The following VRK2 variants were observed in gnomAD, a reference collection of about 807,000 sequenced individuals.
VRK2 encodes the protein VRK serine/threonine kinase 2.
Under a neutral mutation model 57.6 loss-of-function variants are expected in VRK2, and 60 were observed. The ratio of observed to expected loss-of-function variants is 1.04; its 90% confidence interval spans 0.85 to 1.29. The LOEUF (loss-of-function observed/expected upper bound fraction) is 1.29, where lower values mean the gene tolerates loss of function less well. VRK2 is among the 50% of genes most tolerant of loss of function. The pLI, the probability that VRK2 is intolerant of heterozygous loss-of-function variation, is 0.00. For synonymous variants in VRK2, 231 were observed against 199.2 expected (o/e 1.16, Z -1.35); for missense variants, 705 against 588.1 (o/e 1.20, Z -2.06).
chr2:57,940,367 T>C (rs1671054330), intron 1 of VRK2, among the ~76,000 whole-genome samples: 1 of 152,132 alleles, frequency 6.6e-6, no homozygotes, highest in South Asian at 2.1e-4. Flanking sequence ...CATTTTTTTG[T>C]TCAACTCAGG....
chr2:57,994,434 T>G (rs553139533), intron 1 of VRK2, among the ~76,000 whole-genome samples: 1 of 152,178 alleles, frequency 6.6e-6, no homozygotes, highest in Non-Finnish European at 1.5e-5. Flanking sequence ...TTTGGGGACC[T>G]AAAACATCTA....
At chr2:58,136,214 C>G (rs563354567) in intron 10 of VRK2, among the ~76,000 whole-genome samples, 4 of 152,120 alleles carry the variant, frequency 2.6e-5, no homozygotes, top group Non-Finnish European at 5.9e-5. Flanking sequence ...AAGCCTATCC[C>G]CACATGAGTC....
At chr2:58,132,497 G>C (rs1347479880) in intron 9 of VRK2, among the ~76,000 whole-genome samples, 1 of 152,140 alleles carries the variant, frequency 6.6e-6, no homozygotes, top group African/African-American at 2.4e-5. Flanking sequence ...GATTCGGCTA[G>C]CATAAAAATT....
intron 1 of VRK2, among the ~76,000 whole-genome samples, chr2:57,927,858 A>G (rs1406170917): frequency 6.6e-6 from 1 of 152,162 alleles, no homozygotes; most frequent in Non-Finnish European, 1.5e-5. Flanking sequence ...CTTTAAATAC[A>G]TCATGCCAGT....
At chr2:58,068,647 A>T (rs1370254123) in intron 2 of VRK2, among the ~76,000 whole-genome samples, 4 of 151,886 alleles carry the variant, frequency 2.6e-5, no homozygotes, top group African/African-American at 9.7e-5. Context: ...CTGGGATTCT[A>T]CATGTTCAAT....
chr2:57,966,556 C>A (rs747546085), intron 1 of VRK2, among the ~76,000 whole-genome samples: 8 of 151,942 alleles, frequency 5.3e-5, no homozygotes, highest in Non-Finnish European at 1.0e-4. Context: ...TCTTCCATGG[C>A]GACAACTCAC....
chr2:58,027,779 G>T (rs1309560822), intron 2 of VRK2, among the ~76,000 whole-genome samples: 1 of 152,136 alleles, frequency 6.6e-6, no homozygotes, highest in Admixed American at 6.5e-5. Flanking sequence ...AAGTATAAGT[G>T]TCCAGCATGG....
At chr2:58,157,859 C>G (rs1345553195) in intron 12 of VRK2, among the ~76,000 whole-genome samples, 3 of 152,158 alleles carry the variant, frequency 2.0e-5, no homozygotes, top group Non-Finnish European at 2.9e-5. Context: ...ATAGACAATA[C>G]ATAAACAAAT....
At chr2:58,148,036 A>G (rs1051500807) in intron 12 of VRK2, among the ~76,000 whole-genome samples, 2 of 151,782 alleles carry the variant, frequency 1.3e-5, no homozygotes, top group African/African-American at 2.4e-5. Context: ...TTCAATGGAC[A>G]TGTTTCATTT....
chr2:57,931,402 G>A (rs912997676), intron 1 of VRK2, among the ~76,000 whole-genome samples: 8 of 151,896 alleles, frequency 5.3e-5, no homozygotes, highest in African/African-American at 1.9e-4. Flanking sequence ...TACACCTATT[G>A]GCTATTTGTA....
intron 7 of VRK2, among the ~76,000 whole-genome samples, chr2:58,104,791 A>G (rs1280552207): frequency 1.3e-5 from 2 of 151,942 alleles, no homozygotes; most frequent in African/African-American, 4.8e-5. Flanking sequence ...GAGGCATCAC[A>G]TTACCTGACC....
intron 2 of VRK2, among the ~76,000 whole-genome samples, chr2:58,053,124 A>G (rs1676004430): frequency 6.6e-6 from 1 of 152,204 alleles, no homozygotes; most frequent in South Asian, 2.1e-4. Context: ...GTTCTCTTCC[A>G]TAATTATAGA....
At chr2:58,069,487 G>C (rs1669093119) in intron 2 of VRK2, among the ~76,000 whole-genome samples, 1 of 152,064 alleles carries the variant, frequency 6.6e-6, no homozygotes, top group Non-Finnish European at 1.5e-5. Context: ...TAGGTTCTCT[G>C]ACCAGAAATC....
chr2:58,117,252 G>T (rs975866009), intron 7 of VRK2, among the ~76,000 whole-genome samples: 1 of 152,094 alleles, frequency 6.6e-6, no homozygotes, highest in African/African-American at 2.4e-5. Flanking sequence ...CTTCTGATTT[G>T]GGATAAAGAA....
upstream of VRK2, among the ~76,000 whole-genome samples, chr2:58,045,374 T>C (rs1311626125): frequency 1.3e-5 from 2 of 152,148 alleles, no homozygotes; most frequent in African/African-American, 4.8e-5. Context: ...TGGTTGCTAC[T>C]GGAGTTGTTT....
At chr2:58,042,416 G>A (rs569494030), upstream of VRK2, among the ~76,000 whole-genome samples, 2 of 152,192 alleles carry the variant, frequency 1.3e-5, no homozygotes, top group African/African-American at 4.8e-5. Flanking sequence ...AAGTTTATGA[G>A]TGCAAATGGC....
chr2:58,043,364 A>G (rs1329956619), upstream of VRK2, among the ~76,000 whole-genome samples: 1 of 152,190 alleles, frequency 6.6e-6, no homozygotes, highest in Non-Finnish European at 1.5e-5. Flanking sequence ...TTTTAAGTGT[A>G]TAACTAGAGG....
At chr2:58,145,075 A>G (rs903361091) in intron 11 of VRK2, among the ~76,000 whole-genome samples, 2 of 152,114 alleles carry the variant, frequency 1.3e-5, no homozygotes, top group East Asian at 3.9e-4. Context: ...CATGAAAAAA[A>G]GGTGATGGCA....
chr2:58,076,763 A>C (rs1362322844), intron 2 of VRK2, among the ~76,000 whole-genome samples: 1 of 151,886 alleles, frequency 6.6e-6, no homozygotes, highest in Admixed American at 6.6e-5. Context: ...GTACTCGCAC[A>C]ATTTTGTAAG....
Sources: gnomAD v4.1 joint callset for allele counts (sites outside exome capture counted in the v4.1 genomes callset) on GRCh38, gnomAD v4.1.1 for gene constraint, MANE v1.5 for transcripts, NCBI Gene and HGNC (gene_info 2026-07-23, HGNC 2026-07-21) for gene names.